ELOC: variants seen among roughly 807,000 people sequenced by gnomAD.
The protein encoded by ELOC is elongin-C.
For missense variants in ELOC, 38 were observed against 139.0 expected (o/e 0.27, Z 3.65); for synonymous variants, 40 against 51.3 (o/e 0.78, Z 0.94).
chr8:73,971,141 C>A (rs1461505374), intron 1 of ELOC, among the ~76,000 whole-genome samples: 1 of 151,932 alleles, frequency 6.6e-6, no homozygotes, highest in Non-Finnish European at 1.5e-5. Flanking sequence ...CGCGGTGGCT[C>A]ACGCCTGTAA....
chr8:73,946,861 T>A lies in ELOC; in HGVS notation c.149-41A>T, dbSNP rs374329875. The A allele has an allele frequency of 9.1e-6, 14 of 1,542,956 alleles. No individual in the cohort carries two copies. The East Asian group carries it at 1.4e-4, about 15-fold the overall frequency. On this transcript the variant is annotated intron_variant, in intron 3 of 3. Coordinates refer to ENST00000520242, the MANE Select transcript of ELOC (RefSeq NM_005648.4). The stretch of plus-strand genomic sequence containing the variant: ...ATTATGTATGTTATTGGCTGAATTG[T>A]GTCCTCCAAATTCATATGTTGAAGT...
At chr8:73,965,543 C>T (rs749244399) in intron 1 of ELOC, among the ~76,000 whole-genome samples, 4 of 152,202 alleles carry the variant, frequency 2.6e-5, no homozygotes, top group East Asian at 3.9e-4. Context: ...TTGTATTATC[C>T]GATTTATATA....
intron 3 of ELOC, 22 bp from the exon 4 acceptor site, chr8:73,946,842 T>A: frequency 6.3e-7 from 1 of 1,597,876 alleles, no homozygotes. Flanking sequence ...AAGAATTATG[T>A]ATGTTATTGG....
chr8:73,951,464 A>G (rs183897428), intron 3 of ELOC, among the ~76,000 whole-genome samples: 44 of 152,194 alleles, frequency 2.9e-4, no homozygotes, highest in Admixed American at 5.9e-4. Flanking sequence ...CCAGGAGTTC[A>G]AGACCAACCT....
At chr8:73,955,692 C>G (rs72661848) in intron 3 of ELOC, 162,627 of 517,692 alleles carry the variant, frequency 0.31, 26,909 homozygotes, top group Admixed American at 0.41. Context: ...CTGAACCCAG[C>G]AGGCGGAGAT....
At chr8:73,959,640 T>G (rs1586609119) in intron 2 of ELOC, 125 bp downstream of exon 2, 1 of 723,234 alleles carries the variant, frequency 1.4e-6, no homozygotes, top group East Asian at 2.8e-5. Flanking sequence ...AAACATAAGC[T>G]GTTGATGTGG....
Position 73,945,684 on chromosome 8 carries a change from A to G in ELOC, c.*946T>C, listed in dbSNP as rs948363233. On this transcript the variant is annotated 3_prime_UTR_variant, in exon 4 of 4. Coordinates refer to ENST00000520242, the MANE Select transcript of ELOC (RefSeq NM_005648.4). Reference sequence around the variant, plus strand: ...TTTAATAGAAGATAATTCATGTAGGATATCTTCAATGCATTATAATATGAT... The same window carrying G: ...TTTAATAGAAGATAATTCATGTAGGGTATCTTCAATGCATTATAATATGAT... The G allele has an allele frequency of 5.9e-5, 9 of 152,210 alleles. No individual in the cohort carries two copies. Among genetic ancestry groups the G allele is most frequent in the African/African-American group, 2.2e-4 (9 of 41,464 alleles). 9.4% of individuals were successfully genotyped at this position (152,210 alleles called of 1,614,324 possible). A position where few individuals can be genotyped will look rare whatever the true frequency, so the allele number is the denominator to read the frequency against.
At chr8:73,958,474 T>C (rs943946987) in intron 2 of ELOC, among the ~76,000 whole-genome samples, 11 of 152,060 alleles carry the variant, frequency 7.2e-5, no homozygotes, top group African/African-American at 2.7e-4. Context: ...CGAAAGCAAA[T>C]TTGGTAAAAC....
chr8:73,959,845 G>T, intron 1 of ELOC, 27 bp from the exon 2 acceptor site: 1 of 1,242,060 alleles, frequency 8.1e-7, no homozygotes, highest in Non-Finnish European at 1.1e-6. Flanking sequence ...ATCATATTAA[G>T]ATTAATGTTG....
At chr8:73,971,988 G>C (rs1394368588) in intron 1 of ELOC, 89 bp downstream of exon 1, 1 of 152,310 alleles carries the variant, frequency 6.6e-6, no homozygotes, top group Non-Finnish European at 1.5e-5. Flanking sequence ...GAAGGGGTGG[G>C]AAGTGGGATT....
intron 1 of ELOC, among the ~76,000 whole-genome samples, chr8:73,968,189 T>C (rs1368184491): frequency 1.3e-5 from 2 of 152,232 alleles, no homozygotes; most frequent in African/African-American, 2.4e-5. Context: ...ATAAATTAAG[T>C]GATAGGACTT....
At chr8:73,959,879 G>T in intron 1 of ELOC, 61 bp from the exon 2 acceptor site, 1 of 837,326 alleles carries the variant, frequency 1.2e-6, no homozygotes, top group Non-Finnish European at 1.8e-6. Context: ...TTCATTCACT[G>T]TTATTTAATG....
intron 1 of ELOC, among the ~76,000 whole-genome samples, chr8:73,966,719 C>G (rs1390321249): frequency 2.6e-5 from 4 of 151,888 alleles, no homozygotes; most frequent in African/African-American, 7.3e-5. Context: ...AGTAAACCTC[C>G]TGCCTTGACC....
At position 73,959,206 on chromosome 8, in the gene ELOC, T is replaced by C. The variant is rs528723346; in HGVS notation, c.4+559A>G. 2.8e-4 allele frequency among the ~76,000 whole-genome samples: 43 copies of C among 152,244 alleles called. 1 individual carries two copies. The South Asian group carries it at 8.7e-3, about 31-fold the overall frequency. Reference sequence around the variant, plus strand: ...CATTACTATACTACTACAGACTTCATAAGTACTGTACACTTAGGCTACAGT... The same window carrying C: ...CATTACTATACTACTACAGACTTCACAAGTACTGTACACTTAGGCTACAGT... On this transcript the variant is annotated intron_variant, in intron 2 of 3. Coordinates refer to ENST00000520242, the MANE Select transcript of ELOC (RefSeq NM_005648.4).
At chr8:73,969,520 C>G (rs1815216663) in intron 1 of ELOC, 1 of 152,200 alleles carries the variant, frequency 6.6e-6, no homozygotes, top group Non-Finnish European at 1.5e-5. Context: ...TCACACTGGC[C>G]TTTTTGGTAT....
intron 2 of ELOC, among the ~76,000 whole-genome samples, chr8:73,958,261 G>A (rs561810254): frequency 3.3e-5 from 5 of 151,922 alleles, no homozygotes; most frequent in Admixed American, 6.6e-5. Context: ...CCTGGCTTTG[G>A]TCTTTGTTTT....
At chr8:73,959,644 G>C (rs1343236700) in intron 2 of ELOC, 121 bp downstream of exon 2, 1 of 765,814 alleles carries the variant, frequency 1.3e-6, no homozygotes, top group African/African-American at 1.8e-5. Flanking sequence ...ATAAGCTGTT[G>C]ATGTGGACAA....
chr8:73,958,280 T>C (rs6415630), intron 2 of ELOC, among the ~76,000 whole-genome samples: 86,583 of 151,758 alleles, frequency 0.57, 26,166 homozygotes, highest in African/African-American at 0.78. Context: ...TTTTAAAAAA[T>C]GGCTTCTGTT....
intron 1 of ELOC, 154 bp downstream of exon 1, chr8:73,971,923 G>C (rs1014823560): frequency 6.6e-6 from 1 of 152,166 alleles, no homozygotes; most frequent in African/African-American, 2.4e-5. Flanking sequence ...CCCAAACTAG[G>C]GGCTGGGGAG....
Sources: gnomAD v4.1 joint callset for allele counts (sites outside exome capture counted in the v4.1 genomes callset) on GRCh38, gnomAD v4.1.1 for gene constraint, MANE v1.5 for transcripts, NCBI Gene and HGNC (gene_info 2026-07-23, HGNC 2026-07-21) for gene names.